NAT10: variants seen among roughly 807,000 people sequenced by gnomAD.
NAT10 encodes N-acetyltransferase 10.
A neutral mutation model predicts 132.2 loss-of-function variants in NAT10; 109 were observed. The observed-to-expected ratio is 0.82, with a 90% CI of 0.71 to 0.97. The LOEUF is 0.97. Among genes scored for constraint, NAT10 ranks in the 50% least tolerant of loss-of-function variants. The pLI, the probability that NAT10 is intolerant of heterozygous loss-of-function variation, is 0.00. For missense variants in NAT10, 1,184 were observed against 1,263.4 expected, an observed-to-expected ratio of 0.94 and a Z score of 0.95; for synonymous variants, 479 against 478.0, an observed-to-expected ratio of 1.00 and a Z score of -0.03.
chr11:34,137,744 TA>T (rs1410052925), intron 21 of NAT10, among the ~76,000 whole-genome samples: 1 of 152,148 alleles, frequency 6.6e-6, no homozygotes, highest in African/African-American at 2.4e-5. Context: ...CCCTAACGTT[TA>T]GAGGAATGAA....
rs1474362821 is a variant in NAT10, at chr11:34,146,241, C to A, written c.*49C>A. ...GTTTGATCATGGGAAGATACTCTCA[C>A]TAACTGAACCCTCTCTGGCTGGACT... On this transcript the variant is annotated 3_prime_UTR_variant, in exon 29 of 29. Transcript: ENST00000257829. 7.5e-7 allele frequency: 1 copy of A among 1,341,740 alleles called. No individual in the cohort carries two copies. The highest frequency in any genetic ancestry group is 1.0e-6 in the Non-Finnish European group (1 of 967,164). 83.1% of individuals were successfully genotyped at this position (1,341,740 alleles called of 1,614,324 possible). A position where few individuals can be genotyped will look rare whatever the true frequency, so the allele number is the denominator to read the frequency against.
At chr11:34,146,014 A>C (rs762740618) in intron 28 of NAT10, 70 bp from the exon 29 acceptor site, 16 of 1,129,042 alleles carry the variant, frequency 1.4e-5, no homozygotes, top group Non-Finnish European at 2.0e-5. Flanking sequence ...AAAGCAAAGC[A>C]AGCTTAAAGC....
chr11:34,143,666 C>T, intron 28 of NAT10, 138 bp downstream of exon 28: 1 of 728,616 alleles, frequency 1.4e-6, no homozygotes, highest in Admixed American at 2.8e-5. Context: ...TTTGAGAGTC[C>T]CCTGGCCATT....
chr11:34,128,066 T>A (rs1328173864), intron 12 of NAT10, among the ~76,000 whole-genome samples: 1 of 151,866 alleles, frequency 6.6e-6, no homozygotes, highest in Non-Finnish European at 1.5e-5. Flanking sequence ...AAAAGAAAAA[T>A]CACCTGTAGC....
intron 12 of NAT10, among the ~76,000 whole-genome samples, chr11:34,128,935 A>T (rs1382143149): frequency 6.6e-6 from 1 of 152,214 alleles, no homozygotes; most frequent in Non-Finnish European, 1.5e-5. Flanking sequence ...ATTATAAAAT[A>T]TGTGGTCTTC....
At position 34,146,122 on chromosome 11, in the gene NAT10, A is replaced by T; in HGVS notation, c.3008A>T (p.Lys1003Ile). ...AAGTTAGAGGCCAAACAAGAACCCA[A>T]ACAGAGCAAGAAGTTGAAGAACAGA... ...KRKLEAKQEPKQSKKLKNRET... is the reference protein window; with the variant it reads ...KRKLEAKQEPIQSKKLKNRET... The change falls in exon 29 of 29, where the codon AAA becomes ATA. Residue 1003 changes from lysine to isoleucine, a missense_variant. Coordinates refer to ENST00000257829, the MANE Select transcript of NAT10 (RefSeq NM_024662.3). The T allele has an allele frequency of 6.2e-7, 1 of 1,610,332 alleles. No individual in the cohort carries two copies. Among genetic ancestry groups the T allele is most frequent in the Non-Finnish European group, 8.5e-7 (1 of 1,178,884 alleles).
At position 34,118,459 on chromosome 11, in the gene NAT10, C is replaced by G. The variant is rs144347888; in HGVS notation, c.736C>G (p.Gln246Glu). The G allele has an allele frequency of 2.5e-6, 4 of 1,614,130 alleles. No homozygotes were observed. In the African/African-American group the frequency reaches 5.3e-5, roughly 22 times the overall value. Reference protein sequence around the residue: ...RELKESLQDTQPVGVLVDCCK... With the variant: ...RELKESLQDTEPVGVLVDCCK... ...GTTGAAGGAGAGCTTGCAGGACACC[C>G]AGCCTGTGGGTGTGTTGGTGGACTG... Residue 246 changes from glutamine to glutamate, a missense_variant, in exon 8 of 29, where the codon CAG becomes GAG. Transcript: ENST00000257829.
In NAT10 at chr11:34,136,750, T is replaced by A. The variant is rs1231657796; in HGVS notation, c.2137T>A (p.Tyr713Asn). Residue 713 changes from tyrosine to asparagine, a missense_variant, in exon 20 of 29, where the codon TAT (tyrosine) becomes AAT (asparagine). By Grantham distance (143) the Tyr-to-Asn change is moderately radical (BLOSUM62 -2). Transcript: ENST00000257829. ...ACGCCTGGATTACCTGGGTGTTTCC[T>A]ATGGCTTGACCCCCAGGCTCCTCAA... ...AERLDYLGVS[Y>N]GLTPRLLKFW... is the part of the protein sequence containing the mutation. 1.2e-6 allele frequency: 2 copies of A among 1,614,170 alleles called. No individual in the cohort carries two copies. Among genetic ancestry groups the A allele is most frequent in the African/African-American group, 1.3e-5 (1 of 75,048 alleles).
chr11:34,115,983 T>A, intron 6 of NAT10, 99 bp downstream of exon 6: 1 of 1,070,310 alleles, frequency 9.3e-7, no homozygotes, highest in Non-Finnish European at 1.4e-6. Flanking sequence ...TTGGGGAAAG[T>A]AGTACAATAT....
At position 34,146,338 on chromosome 11, in the gene NAT10, G is replaced by C; in HGVS notation, c.*146G>C. On this transcript the variant is annotated 3_prime_UTR_variant, in exon 29 of 29. Coordinates refer to ENST00000257829, the MANE Select transcript of NAT10 (RefSeq NM_024662.3). ...ATTCGGCCTCTGGGCCTGTGTGTCT[G>C]TGAGCTCAACCTGGCTAAAGGCAGA... 1 of 598,802 alleles carries C rather than the reference G, an allele frequency of 1.7e-6. No homozygotes were observed. Among genetic ancestry groups the C allele is most frequent in the Non-Finnish European group, 2.9e-6 (1 of 340,126 alleles). 37.1% of individuals were successfully genotyped at this position (598,802 alleles called of 1,614,324 possible). A position where few individuals can be genotyped will look rare whatever the true frequency, so the allele number is the denominator to read the frequency against.
chr11:34,106,845 A>G (rs941644781), intron 1 of NAT10, among the ~76,000 whole-genome samples: 2 of 152,176 alleles, frequency 1.3e-5, no homozygotes, highest in Admixed American at 6.5e-5. Flanking sequence ...GTTAGAAGGG[A>G]CAGTTAAGGT....
rs558902508 is a variant in NAT10 at position 34,123,909 on chromosome 11, C to G, written c.1008+54C>G. ...TTTGGACCTGGTGTGGTGGCTCACG[C>G]CTGTAATCCCAGCACTTTGGGAGGC... On this transcript the variant is annotated intron_variant, in intron 10 of 28. Coordinates refer to ENST00000257829, the MANE Select transcript of NAT10 (RefSeq NM_024662.3). The G allele has an allele frequency of 4.3e-6, 6 of 1,407,352 alleles. No homozygotes were observed. In the African/African-American group the frequency reaches 7.1e-5, roughly 17 times the overall value. The allele number at this position is 1,407,352 out of a possible 1,614,324, so 87.2% of individuals were successfully genotyped here.
chr11:34,119,439 A>G (rs985981400), intron 8 of NAT10, among the ~76,000 whole-genome samples: 2 of 152,252 alleles, frequency 1.3e-5, no homozygotes, highest in African/African-American at 4.8e-5. Context: ...ATAGCTCTCT[A>G]TGCAGCTCCA....
chr11:34,133,158 C>G lies in NAT10; in HGVS notation c.1734+16C>G. ...TGTTATCCAGGTATAGGAGCAGAGGCGTCCTTGTGGCAGTGATTTGGGGAA... is the reference window on the plus strand; with the variant it reads ...TGTTATCCAGGTATAGGAGCAGAGGGGTCCTTGTGGCAGTGATTTGGGGAA... On this transcript the variant is annotated intron_variant, in intron 16 of 28. Coordinates refer to ENST00000257829, the MANE Select transcript of NAT10 (RefSeq NM_024662.3). The G allele has an allele frequency of 6.4e-7, 1 of 1,573,698 alleles. No homozygotes were observed. The highest frequency in any genetic ancestry group is 8.7e-7 in the Non-Finnish European group (1 of 1,143,352).
chr11:34,143,455 C>T lies in NAT10; in HGVS notation c.2896C>T (p.Arg966Cys), dbSNP rs371394777. ...KSMDLSEYII[R>C]GDDEEWNEVL... ...CCTTCTTTTTTTTAGATACATAATC[C>T]GTGGGGACGATGAAGAGTGGAATGA... The change falls in exon 28 of 29, where the codon CGT becomes TGT. Residue 966 changes from arginine (R) to cysteine (C), a missense_variant. Arg to Cys is a radical substitution (Grantham distance 180). Transcript: ENST00000257829. 2.0e-5 allele frequency: 32 copies of T among 1,613,294 alleles called. No individual in the cohort carries two copies. Among genetic ancestry groups the T allele is most frequent in the Middle Eastern group, 1.6e-4 (1 of 6,076 alleles).
Position 34,146,625 on chromosome 11 carries a change from T to C in NAT10, c.*433T>C. 1 of 156,354 alleles carries C rather than the reference T, an allele frequency of 6.4e-6. No homozygotes were observed. Among genetic ancestry groups the C allele is most frequent in the Non-Finnish European group, 1.4e-5 (1 of 70,548 alleles). 9.7% of individuals were successfully genotyped at this position (156,354 alleles called of 1,614,324 possible). A position where few individuals can be genotyped will look rare whatever the true frequency, so the allele number is the denominator to read the frequency against. ...GCCGCTGGGTCTCTCTTTGTGGACT[T>C]GTACCTGGAGCAGGAGGAACTCCAG... is the stretch of plus-strand genomic sequence containing the variant. On this transcript the variant is annotated 3_prime_UTR_variant, in exon 29 of 29. Coordinates refer to ENST00000257829, the MANE Select transcript of NAT10 (RefSeq NM_024662.3).
chr11:34,109,535 TTC>T (rs933347511), intron 3 of NAT10, among the ~76,000 whole-genome samples: 1 of 152,172 alleles, frequency 6.6e-6, no homozygotes, highest in African/African-American at 2.4e-5. Context: ...GCGTCAACTT[TTC>T]TCTCTCTTTC....
At chr11:34,110,846 G>A (rs1851682049) in intron 3 of NAT10, among the ~76,000 whole-genome samples, 1 of 152,068 alleles carries the variant, frequency 6.6e-6, no homozygotes, top group Non-Finnish European at 1.5e-5. Context: ...AATGTGAAAA[G>A]TGCAGAAAAC....
intron 11 of NAT10, among the ~76,000 whole-genome samples, chr11:34,124,675 AAG>A (rs1452662592): frequency 7.2e-5 from 11 of 152,256 alleles, no homozygotes; most frequent in African/African-American, 2.4e-4. Flanking sequence ...GATTAACTAA[AAG>A]AGAATCTTTC....
Sources: gnomAD v4.1 joint callset for allele counts (sites outside exome capture counted in the v4.1 genomes callset) on GRCh38, gnomAD v4.1.1 for gene constraint, MANE v1.5 for transcripts, NCBI Gene and HGNC (gene_info 2026-07-23, HGNC 2026-07-21) for gene names.